Variants in EML6 observed in about 807,000 individuals in gnomAD.
EML6 encodes the protein EMAP like 6, also known as echinoderm microtubule-associated protein-like 6.
A neutral mutation model predicts 240.1 loss-of-function variants in EML6; 154 were observed. The observed-to-expected ratio is 0.64, with a 90% CI of 0.56 to 0.73. The LOEUF is 0.73. Ranked by LOEUF, EML6 falls within the 30% of genes least tolerant of loss-of-function variation. The probability of loss-of-function intolerance (pLI) is 0.00; values close to 1 mark genes in which losing one functional copy is unlikely to be tolerated. For synonymous variants in EML6, 1,148 were observed against 899.0 expected, an observed-to-expected ratio of 1.28 and a Z score of -4.95; for missense variants, 2,964 against 2,474.6, an observed-to-expected ratio of 1.20 and a Z score of -4.20.
intron 26 of EML6, among the ~76,000 whole-genome samples, chr2:54,923,773 C>T (rs1266280836): frequency 6.6e-6 from 1 of 152,186 alleles, no homozygotes; most frequent in Non-Finnish European, 1.5e-5. Flanking sequence ...GCTGCTTCCT[C>T]ATACTCCTTC....
chr2:54,735,689 T>C (rs1457809721), intron 2 of EML6, among the ~76,000 whole-genome samples: 1 of 152,268 alleles, frequency 6.6e-6, no homozygotes, highest in Non-Finnish European at 1.5e-5. Context: ...TGAATGTTTG[T>C]GCTTAAGGTA....
intron 14 of EML6, chr2:54,867,908 T>A (rs969644507): frequency 1.3e-5 from 2 of 152,138 alleles, no homozygotes; most frequent in Admixed American, 6.5e-5. Context: ...CACCATGTCA[T>A]ACCCTCTGCA....
At chr2:54,796,492 GTTT>G (rs139445612) in intron 2 of EML6, among the ~76,000 whole-genome samples, 7 of 148,952 alleles carry the variant, frequency 4.7e-5, no homozygotes, top group Non-Finnish European at 1.5e-5. Context: ...GTTTTGGTAA[GTTT>G]TTTTTTTCTT....
intron 2 of EML6, among the ~76,000 whole-genome samples, chr2:54,740,763 G>A (rs558270324): frequency 1.3e-5 from 2 of 151,346 alleles, no homozygotes; most frequent in African/African-American, 4.9e-5. Context: ...TTGCTTCTTG[G>A]TAAAAAGACT....
chr2:54,789,831 T>G (rs1178098514), intron 2 of EML6, among the ~76,000 whole-genome samples: 3 of 152,164 alleles, frequency 2.0e-5, no homozygotes, highest in African/African-American at 7.2e-5. Flanking sequence ...ACATGCTGCT[T>G]TCCTTACCAG....
intron 2 of EML6, among the ~76,000 whole-genome samples, chr2:54,750,944 A>G (rs1053876393): frequency 2.6e-5 from 4 of 152,096 alleles, no homozygotes; most frequent in Admixed American, 6.6e-5. Context: ...AAAAGGGGAG[A>G]AGAGTTATTA....
intron 2 of EML6, among the ~76,000 whole-genome samples, chr2:54,735,960 C>T (rs1683371519): frequency 6.6e-6 from 1 of 151,996 alleles, no homozygotes; most frequent in Admixed American, 6.6e-5. Context: ...GGCTGAAGAG[C>T]GGTTTGGCAG....
At chr2:54,789,487 C>A (rs1382292987) in intron 2 of EML6, among the ~76,000 whole-genome samples, 1 of 120,696 alleles carries the variant, frequency 8.3e-6, no homozygotes, top group East Asian at 2.5e-4. Context: ...GCACTCCCGC[C>A]TGGGCCACAG....
At chr2:54,731,585 C>G (rs1572832091) in intron 2 of EML6, among the ~76,000 whole-genome samples, 1 of 150,774 alleles carries the variant, frequency 6.6e-6, no homozygotes, top group Non-Finnish European at 1.5e-5. Flanking sequence ...CCATTGCACT[C>G]CAGCCTGGGT....
chr2:54,878,170 T>C (rs1402224146), intron 16 of EML6, among the ~76,000 whole-genome samples: 1 of 152,242 alleles, frequency 6.6e-6, no homozygotes, highest in Non-Finnish European at 1.5e-5. Flanking sequence ...TTACCTGAAA[T>C]GCCAGTTTAA....
chr2:54,790,259 T>G (rs181881600), intron 2 of EML6, among the ~76,000 whole-genome samples: 1 of 152,322 alleles, frequency 6.6e-6, no homozygotes. Flanking sequence ...TCATCCACTT[T>G]CTATTTTCTC....
rs1298824223 is a variant in EML6 at position 54,964,019 on chromosome 2, G to T, written c.5191G>T (p.Ala1731Ser). The change falls in exon 37 of 42, where the codon GCC (alanine) becomes TCC (serine). Residue 1731 changes from alanine to serine, a missense_variant. Coordinates refer to ENST00000356458, the MANE Select transcript of EML6 (RefSeq NM_001039753.4). ...AAACAAGGTGAGCTTGGGCCATGCGGCCAGGTGTGCAGCCTACAGCCCTGA... is the reference window on the plus strand; with the variant it reads ...AAACAAGGTGAGCTTGGGCCATGCGTCCAGGTGTGCAGCCTACAGCCCTGA... ...LLNKVSLGHA[A>S]RCAAYSPDGE... is the part of the protein sequence containing the mutation. 2 of 1,551,440 alleles carry T rather than the reference G, an allele frequency of 1.3e-6. No individual in the cohort carries two copies. The highest frequency in any genetic ancestry group is 2.0e-5 in the Admixed American group (1 of 50,944).
chr2:54,819,773 G>GAAAAAAA (rs375657743), intron 4 of EML6, among the ~76,000 whole-genome samples: 3 of 123,136 alleles, frequency 2.4e-5, no homozygotes, highest in African/African-American at 6.3e-5. Flanking sequence ...GACTGTCTCA[G>GAAAAAAA]AAAAAAAAAA....
intron 5 of EML6, among the ~76,000 whole-genome samples, chr2:54,825,500 T>C (rs373062384): frequency 7.2e-5 from 11 of 152,282 alleles, no homozygotes; most frequent in South Asian, 6.2e-4. Flanking sequence ...TGGGCTCAAG[T>C]GATCTCTCTG....
intron 26 of EML6, among the ~76,000 whole-genome samples, chr2:54,920,066 TAAGA>T (rs1674141576): frequency 6.6e-6 from 1 of 152,036 alleles, no homozygotes; most frequent in Non-Finnish European, 1.5e-5. Context: ...ACTGTAGAAT[TAAGA>T]AAGAAAAATA....
chr2:54,735,745 T>C (rs1012819233), intron 2 of EML6, among the ~76,000 whole-genome samples: 1 of 152,246 alleles, frequency 6.6e-6, no homozygotes, highest in Non-Finnish European at 1.5e-5. Context: ...TCCCTTTCAA[T>C]GTAAGAAATG....
chr2:54,768,723 G>A (rs1026220926), intron 2 of EML6, among the ~76,000 whole-genome samples: 2 of 152,118 alleles, frequency 1.3e-5, no homozygotes, highest in African/African-American at 4.8e-5. Flanking sequence ...TCTCATCTGT[G>A]AAGAAGACAG....
rs749932807 is a variant in EML6 at position 54,822,237 on chromosome 2, G to A, written c.525+1775G>A. ...TATCAAATTTATGATTGAAAGTACC[G>A]TATCTTGGCAAGGATTCAGTGAATG... On this transcript the variant is annotated intron_variant, in intron 5 of 41. Transcript: ENST00000356458. 5.3e-5 allele frequency among the ~76,000 whole-genome samples: 8 copies of A among 152,152 alleles called. No homozygotes were observed. The East Asian group carries it at 5.8e-4, about 11-fold the overall frequency.
Position 54,961,184 on chromosome 2 carries a change from G to GTTGTTTTTTTTTGTTTGTTTTTTTTT in EML6, c.4968+852_4968+853insGTTTTTTTTTGTTTGTTTTTTTTTTT. Among the ~76,000 whole-genome samples, 426 of 55,406 alleles carry GTTGTTTTTTTTTGTTTGTTTTTTTTT rather than the reference G, an allele frequency of 7.7e-3. 49 individuals are homozygous for GTTGTTTTTTTTTGTTTGTTTTTTTTT. The highest frequency in any genetic ancestry group is 0.014 in the Middle Eastern group (1 of 74). 36.3% of individuals were successfully genotyped at this position (55,406 alleles called of 152,430 possible). A position where few individuals can be genotyped will look rare whatever the true frequency, so the allele number is the denominator to read the frequency against. ...GGAGCCTGGAAGTTATCAGGAAGTA[G>GTTGTTTTTTTTTGTTTGTTTTTTTTT]TTTTTTTTTTTTTTTTTTTGAGACG... On this transcript the variant is annotated intron_variant, in intron 35 of 41. Transcript: ENST00000356458.
Sources: gnomAD v4.1 joint callset for allele counts (sites outside exome capture counted in the v4.1 genomes callset) on GRCh38, gnomAD v4.1.1 for gene constraint, MANE v1.5 for transcripts, NCBI Gene and HGNC (gene_info 2026-07-23, HGNC 2026-07-21) for gene names.